Variants in MVD observed in about 807,000 individuals in gnomAD.
The protein encoded by MVD is mevalonate diphosphate decarboxylase, also known as diphosphomevalonate decarboxylase.
A neutral mutation model predicts 42.4 loss-of-function variants in MVD; 52 were observed. The observed-to-expected ratio is 1.23, with a 90% confidence interval of 0.98 to 1.55. The LOEUF is 1.55. Among genes scored for constraint, MVD ranks in the 40% most tolerant of loss-of-function variants. The pLI, the probability that MVD is intolerant of heterozygous loss-of-function variation, is 0.00. For synonymous variants in MVD, 287 were observed against 243.2 expected (o/e 1.18, Z -1.68); for missense variants, 663 against 572.1 (o/e 1.16, Z -1.62).
rs150275437 is a variant in MVD at position 88,656,260 on chromosome 16, C to T, written c.448G>A (p.Glu150Lys). 2.5e-6 allele frequency: 4 copies of T among 1,600,250 alleles called. No homozygotes were observed. The highest frequency in any genetic ancestry group is 3.4e-6 in the Non-Finnish European group (4 of 1,179,932). Residue 150 changes from glutamate to lysine, a missense_variant, in exon 5 of 10, where the codon GAA becomes AAA. Glu to Lys is a moderately conservative substitution (Grantham distance 56). Coordinates refer to ENST00000301012, the MANE Select transcript of MVD (RefSeq NM_002461.3). ...RVYGVESDLSEVARRGSGSAC... is the reference protein window; with the variant it reads ...RVYGVESDLSKVARRGSGSAC... ...CTGCCTGAGCCCCGGCGAGCCACTTCTGAGAGGTCACTCTCCACGCCGTAG... is the reference window on the plus strand; with the variant it reads ...CTGCCTGAGCCCCGGCGAGCCACTTTTGAGAGGTCACTCTCCACGCCGTAG...
chr16:88,659,244 C>T (rs1002262553), intron 1 of MVD: 15 of 178,482 alleles, frequency 8.4e-5, no homozygotes, highest in Admixed American at 5.4e-4. Context: ...ACGGCGGCTT[C>T]GCTAAGCACA....
At chr16:88,658,596 C>G in intron 2 of MVD, 54 bp downstream of exon 2, 1 of 1,565,556 alleles carries the variant, frequency 6.4e-7, no homozygotes, top group Non-Finnish European at 8.8e-7. Flanking sequence ...ACCAACTGTT[C>G]TACAAATGTT....
chr16:88,652,414 G>C lies in MVD; in HGVS notation c.*111C>G, dbSNP rs1597375716. ...ACAGCAAGCTGCCCATGGGCCCGGG[G>C]TCAAGCCACCACCCACATGTCCCAG... On this transcript the variant is annotated 3_prime_UTR_variant, in exon 10 of 10. Transcript: ENST00000301012. 4 of 1,258,698 alleles carry C rather than the reference G, an allele frequency of 3.2e-6. No individual in the cohort carries two copies. Among genetic ancestry groups the C allele is most frequent in the South Asian group, 2.6e-5 (2 of 78,036 alleles). 78.0% of individuals were successfully genotyped at this position (1,258,698 alleles called of 1,614,324 possible).
At chr16:88,652,756 C>G (rs890579969) in intron 9 of MVD, 151 bp from the exon 10 acceptor site, 3 of 727,670 alleles carry the variant, frequency 4.1e-6, no homozygotes, top group Non-Finnish European at 6.8e-6. Flanking sequence ...GTGGTGACAC[C>G]CACACGCAGC....
intron 1 of MVD, chr16:88,659,324 G>T: frequency 6.3e-6 from 1 of 157,830 alleles, no homozygotes; most frequent in Admixed American, 6.0e-5. Context: ...GATAAACGCG[G>T]ACACCTGGCA....
chr16:88,656,458 C>T, intron 4 of MVD, 154 bp from the exon 5 acceptor site: 1 of 759,850 alleles, frequency 1.3e-6, no homozygotes, highest in Non-Finnish European at 2.1e-6. Context: ...CCAGCATTCA[C>T]CGGCCCAGCC....
chr16:88,656,920 T>A, intron 4 of MVD: 1 of 314,640 alleles, frequency 3.2e-6, no homozygotes, highest in Non-Finnish European at 6.2e-6. Context: ...TGACAGTGGG[T>A]GGGAAGCTGC....
Position 88,656,309 on chromosome 16 carries a change from A to T in MVD, c.404-5T>A. On this transcript the variant is annotated splice_polypyrimidine_tract_variant and splice_region_variant and intron_variant, in intron 4 of 9. Transcript: ENST00000301012. ...AGACACGGGCCAGGGTGTAGGCTGC[A>T]GGCATGCGGATTCAGGGAGGGTCCT... 6.3e-7 allele frequency: 1 copy of T among 1,598,972 alleles called. No homozygotes were observed.
At position 88,653,347 on chromosome 16, in the gene MVD, CCA is replaced by C; in HGVS notation, c.1073_1074del (p.Leu358ArgfsTer26). 1.9e-6 allele frequency: 3 copies of C among 1,599,068 alleles called. No homozygotes were observed. Among genetic ancestry groups the C allele is most frequent in the Non-Finnish European group, 2.6e-6 (3 of 1,176,212 alleles). ...APLSAELQAALAMEPTPGGVK... is the reference protein window; with the variant it reads ...APLSAELQAAXAMEPTPGGVK... ...ACCCCACCGGGGGTCGGCTCCATGGCCAGCGCAGCCTGAAGCTCAGCTGAGAG... is the reference window on the plus strand; with the variant it reads ...ACCCCACCGGGGGTCGGCTCCATGGCGCGCAGCCTGAAGCTCAGCTGAGAG... On this transcript the variant is annotated frameshift_variant, in exon 9 of 10. Coordinates refer to ENST00000301012, the MANE Select transcript of MVD (RefSeq NM_002461.3).
rs74869160 is a variant in MVD at position 88,652,036 on chromosome 16, C to A, written c.*489G>T. The A allele has an allele frequency of 4.0e-3, 831 of 208,828 alleles. 10 individuals carry two copies. The highest frequency in any genetic ancestry group is 0.018 in the African/African-American group (765 of 42,084). 12.9% of individuals were successfully genotyped at this position (208,828 alleles called of 1,614,324 possible). A position where few individuals can be genotyped will look rare whatever the true frequency, so the allele number is the denominator to read the frequency against. ...CACACCCAGGCCGTGGGCAGCCACCCTCCGAGACACCTGGGCCGGGGGCAG... is the reference window on the plus strand; with the variant it reads ...CACACCCAGGCCGTGGGCAGCCACCATCCGAGACACCTGGGCCGGGGGCAG... On this transcript the variant is annotated 3_prime_UTR_variant, in exon 10 of 10. Coordinates refer to ENST00000301012, the MANE Select transcript of MVD (RefSeq NM_002461.3).
intron 8 of MVD, chr16:88,653,702 G>A (rs894811481): frequency 3.0e-6 from 1 of 328,106 alleles, no homozygotes; most frequent in Non-Finnish European, 5.6e-6. Flanking sequence ...AAACAGCTAT[G>A]CCCAGGCTGG....
In MVD at chr16:88,655,734, C is replaced by A. The variant is rs1320964279; in HGVS notation, c.604-4G>T. 1 of 1,554,818 alleles carries A rather than the reference C, an allele frequency of 6.4e-7. No homozygotes were observed. Among genetic ancestry groups the A allele is most frequent in the South Asian group, 1.2e-5 (1 of 84,408 alleles). On this transcript the variant is annotated splice_polypyrimidine_tract_variant and splice_region_variant and intron_variant, in intron 5 of 9. Transcript: ENST00000301012. ...TCAGCTTCTTCTCAGCGCTCACCTG[C>A]ACGAGGGAGAGACAGCCTGGGCCAC...
intron 1 of MVD, among the ~76,000 whole-genome samples, chr16:88,660,270 C>T (rs1415878509): frequency 3.3e-5 from 5 of 152,144 alleles, no homozygotes; most frequent in Admixed American, 6.5e-5. Context: ...CACCAGCGCG[C>T]TATCAAAAAC....
chr16:88,652,305 G>C lies in MVD; in HGVS notation c.*220C>G. The stretch of plus-strand genomic sequence containing the variant: ...CCTCCCCATCCCATCTTGGCAAAGC[G>C]CTGGTGCAGCTTAGGGCAGCTGAAG... On this transcript the variant is annotated 3_prime_UTR_variant, in exon 10 of 10. Coordinates refer to ENST00000301012, the MANE Select transcript of MVD (RefSeq NM_002461.3). 1 of 612,570 alleles carries C rather than the reference G, an allele frequency of 1.6e-6. No individual in the cohort carries two copies. Among genetic ancestry groups the C allele is most frequent in the Admixed American group, 2.6e-5 (1 of 37,986 alleles). 37.9% of individuals were successfully genotyped at this position (612,570 alleles called of 1,614,324 possible). A position where few individuals can be genotyped will look rare whatever the true frequency, so the allele number is the denominator to read the frequency against.
chr16:88,653,982 AC>A (rs1597377013), intron 8 of MVD, among the ~76,000 whole-genome samples: 1 of 152,016 alleles, frequency 6.6e-6, no homozygotes, highest in South Asian at 2.1e-4. Flanking sequence ...GCTTCCAGAC[AC>A]CCTTAAATGG....
At chr16:88,657,272 T>G in intron 4 of MVD, 164 bp downstream of exon 4, 1 of 971,024 alleles carries the variant, frequency 1.0e-6, no homozygotes. Flanking sequence ...TGTTCAGATG[T>G]GCTCTGGGAA....
chr16:88,655,548 C>T lies in MVD; in HGVS notation c.678+108G>A, dbSNP rs901692255. On this transcript the variant is annotated intron_variant, in intron 6 of 9. Coordinates refer to ENST00000301012, the MANE Select transcript of MVD (RefSeq NM_002461.3). ...ATTTGGCTCCTGCACGTGGTCTTGG[C>T]GGGGCTGCCGCAGGTGTGAGAACAC... 59 of 1,510,456 alleles carry T rather than the reference C, an allele frequency of 3.9e-5. No homozygotes were observed. The Admixed American group carries it at 9.9e-4, about 25-fold the overall frequency. The allele number at this position is 1,510,456 out of a possible 1,614,324, so 93.6% of individuals were successfully genotyped here.
intron 4 of MVD, chr16:88,657,043 G>C (rs1907972271): frequency 2.7e-6 from 1 of 373,850 alleles, no homozygotes; most frequent in Non-Finnish European, 5.2e-6. Context: ...TTTTAGGGCT[G>C]AGCCAGTTTG....
Position 88,654,764 on chromosome 16 carries a change from G to C in MVD, c.941C>G (p.Thr314Ser). The C allele has an allele frequency of 6.3e-7, 1 of 1,599,308 alleles. No individual in the cohort carries two copies. The highest frequency in any genetic ancestry group is 1.3e-5 in the African/African-American group (1 of 74,108). The change falls in exon 8 of 10, where the codon ACC (threonine) becomes AGC (serine). Residue 314 changes from threonine (T) to serine (S), a missense_variant. Transcript: ENST00000301012. The stretch of plus-strand genomic sequence containing the variant: ...AAACTCAGCCACAGTGTCGTCCAGG[G>C]TGAAGATCACGGCATTGGGGCCCGC... ...FDAGPNAVIF[T>S]LDDTVAEFVA...
Sources: gnomAD v4.1 joint callset for allele counts (sites outside exome capture counted in the v4.1 genomes callset) on GRCh38, gnomAD v4.1.1 for gene constraint, MANE v1.5 for transcripts, NCBI Gene and HGNC (gene_info 2026-07-23, HGNC 2026-07-21) for gene names.